The following C10orf90 variants were observed in gnomAD, a reference collection of about 807,000 sequenced individuals.
The protein encoded by C10orf90 is (E2-independent) E3 ubiquitin-conjugating enzyme FATS.
A neutral mutation model predicts 62.5 loss-of-function variants in C10orf90; 56 were observed. The ratio of observed to expected loss-of-function variants is 0.90; its 90% confidence interval spans 0.72 to 1.12. The LOEUF (loss-of-function observed/expected upper bound fraction) is 1.12. Among genes scored for constraint, C10orf90 ranks in the 50% most tolerant of loss-of-function variants. C10orf90 has a pLI of 0.00. For synonymous variants in C10orf90, 386 were observed against 340.4 expected, an observed-to-expected ratio of 1.13 and a Z score of -1.47; for missense variants, 970 against 880.4, an observed-to-expected ratio of 1.10 and a Z score of -1.29.
At chr10:126,459,292 C>A in intron 6 of C10orf90, 75 bp from the exon 7 acceptor site, 1 of 1,553,566 alleles carries the variant, frequency 6.4e-7, no homozygotes, top group South Asian at 1.1e-5. Flanking sequence ...CTGATGCAGC[C>A]AAGAAGCCGA....
Position 126,639,589 on chromosome 10 carries a change from C to G in C10orf90, c.313+6976G>C, listed in dbSNP as rs534875595. Among the ~76,000 whole-genome samples the G allele has an allele frequency of 8.5e-5, 13 of 152,278 alleles. No homozygotes were observed. In the East Asian group the frequency reaches 2.1e-3, roughly 25 times the overall value. ...ACACGGGGCCTCCTGGACTGTCCCC[C>G]ACATGTCCACCCCGATGTCTGATTT... On this transcript the variant is annotated intron_variant, in intron 2 of 9. Coordinates refer to ENST00000488181, the MANE Select transcript of C10orf90 (RefSeq NM_001350921.2).
chr10:126,467,342 T>C (rs1443303459), intron 4 of C10orf90, among the ~76,000 whole-genome samples: 3 of 152,224 alleles, frequency 2.0e-5, no homozygotes, highest in African/African-American at 7.2e-5. Context: ...TTCTGAAACG[T>C]ACAATCGTCA....
intron 2 of C10orf90, among the ~76,000 whole-genome samples, chr10:126,543,487 A>T (rs539832852): frequency 7.9e-5 from 12 of 152,168 alleles, no homozygotes; most frequent in Non-Finnish European, 1.3e-4. Context: ...AATTCAGGAC[A>T]ATTTTTCTAT....
At chr10:126,435,652 C>T (rs1314398848) in intron 7 of C10orf90, among the ~76,000 whole-genome samples, 2 of 152,134 alleles carry the variant, frequency 1.3e-5, no homozygotes, top group African/African-American at 4.8e-5. Context: ...TCCCAGACCT[C>T]CAAGTCAACC....
At chr10:126,487,967 C>T (rs1016112757) in intron 4 of C10orf90, among the ~76,000 whole-genome samples, 1 of 151,998 alleles carries the variant, frequency 6.6e-6, no homozygotes, top group South Asian at 2.1e-4. Flanking sequence ...TAAATTTTGG[C>T]CTTGATGAGT....
chr10:126,626,883 A>T (rs954364630), intron 2 of C10orf90, among the ~76,000 whole-genome samples: 1 of 152,204 alleles, frequency 6.6e-6, no homozygotes, highest in African/African-American at 2.4e-5. Context: ...CAATTCATTC[A>T]GCAGCTGCCT....
intron 2 of C10orf90, among the ~76,000 whole-genome samples, chr10:126,579,724 A>C (rs1289658481): frequency 2.6e-5 from 4 of 151,722 alleles, no homozygotes; most frequent in Non-Finnish European, 4.4e-5. Flanking sequence ...CTTGAATTTT[A>C]TTGCAAAATA....
chr10:126,638,378 C>T (rs1845995210), intron 2 of C10orf90, among the ~76,000 whole-genome samples: 1 of 152,130 alleles, frequency 6.6e-6, no homozygotes, highest in Non-Finnish European at 1.5e-5. Context: ...ACTCTGTGTC[C>T]TCTTGCTGCA....
chr10:126,668,464 G>T (rs1474019474), intron 1 of C10orf90, among the ~76,000 whole-genome samples: 1 of 152,184 alleles, frequency 6.6e-6, no homozygotes, highest in East Asian at 1.9e-4. Flanking sequence ...GAGCAAGGAA[G>T]TTTCCTTCTT....
intron 2 of C10orf90, among the ~76,000 whole-genome samples, chr10:126,590,416 C>G (rs951351697): frequency 2.0e-5 from 3 of 152,194 alleles, no homozygotes; most frequent in African/African-American, 7.2e-5. Context: ...GGCACTTACT[C>G]TAAAACTGAT....
intron 2 of C10orf90, among the ~76,000 whole-genome samples, chr10:126,540,120 C>A (rs1433896638): frequency 2.0e-5 from 3 of 152,032 alleles, no homozygotes; most frequent in African/African-American, 7.2e-5. Context: ...ACAATGGCAA[C>A]AAAATTATAA....
chr10:126,621,709 T>G (rs916779848), intron 2 of C10orf90, among the ~76,000 whole-genome samples: 4 of 152,242 alleles, frequency 2.6e-5, no homozygotes, highest in Non-Finnish European at 4.4e-5. Flanking sequence ...GACAATCTTA[T>G]GGATTGTTTT....
chr10:126,629,159 G>A (rs375752817), intron 2 of C10orf90, among the ~76,000 whole-genome samples: 5 of 152,188 alleles, frequency 3.3e-5, no homozygotes, highest in Non-Finnish European at 5.9e-5. Context: ...AACTGCTCAC[G>A]AACGATGAAG....
chr10:126,501,530 C>T (rs115877057), intron 4 of C10orf90, among the ~76,000 whole-genome samples: 1,894 of 152,206 alleles, frequency 0.012, 35 homozygotes, highest in African/African-American at 0.043. Context: ...TTACAGAGTC[C>T]ACCTTGGGCA....
intron 7 of C10orf90, among the ~76,000 whole-genome samples, chr10:126,434,517 C>T (rs1564789158): frequency 6.6e-6 from 1 of 152,164 alleles, no homozygotes; most frequent in Non-Finnish European, 1.5e-5. Context: ...ACCCCGAGCA[C>T]TTTGAAGGAT....
At chr10:126,485,512 G>A (rs903060357) in intron 4 of C10orf90, among the ~76,000 whole-genome samples, 2 of 152,024 alleles carry the variant, frequency 1.3e-5, no homozygotes, top group Non-Finnish European at 2.9e-5. Flanking sequence ...TTTTAAAAGA[G>A]CAAAAAAGTC....
chr10:126,461,400 CT>C lies in C10orf90; in HGVS notation c.2010del (p.Glu671LysfsTer18). The C allele has an allele frequency of 3.1e-6, 5 of 1,613,908 alleles. No individual in the cohort carries two copies. The highest frequency in any genetic ancestry group is 4.2e-6 in the Non-Finnish European group (5 of 1,179,902). ...AAGCCAGGACACACAGAAGGCCTTACTTGCAAGGTCAAAGATCTTGCAGGCG... is the reference window on the plus strand; with the variant it reads ...AAGCCAGGACACACAGAAGGCCTTACTGCAAGGTCAAAGATCTTGCAGGCG... ...QQTPARSLTL[Q>X]EALEVRKPQF... is the part of the protein sequence containing the mutation. On this transcript the variant is annotated frameshift_variant and splice_region_variant, in exon 6 of 10. Transcript: ENST00000488181. LOFTEE classifies it high-confidence loss of function.
rs527962593 is a variant in C10orf90 at position 126,570,126 on chromosome 10, G to A, written c.314-56187C>T. 1.1e-4 allele frequency among the ~76,000 whole-genome samples: 17 copies of A among 152,276 alleles called. No individual in the cohort carries two copies. The South Asian group carries it at 2.7e-3, about 24-fold the overall frequency. On this transcript the variant is annotated intron_variant, in intron 2 of 9. Transcript: ENST00000488181. ...CTGCATGCTGAGCTCTGCGCTGATC[G>A]TATTCTCCCACGTAATTGCAGCCCC...
intron 4 of C10orf90, among the ~76,000 whole-genome samples, chr10:126,472,506 T>C (rs1860632895): frequency 6.6e-6 from 1 of 152,160 alleles, no homozygotes; most frequent in Non-Finnish European, 1.5e-5. Flanking sequence ...CACAGGTTCA[T>C]CGAGACATGC....
Sources: gnomAD v4.1 joint callset for allele counts (sites outside exome capture counted in the v4.1 genomes callset) on GRCh38, gnomAD v4.1.1 for gene constraint, MANE v1.5 for transcripts, NCBI Gene and HGNC (gene_info 2026-07-23, HGNC 2026-07-21) for gene names.